Variants in ST6GAL2 observed in about 807,000 individuals in gnomAD.
The protein encoded by ST6GAL2 is ST6 beta-galactoside alpha-2,6-sialyltransferase 2, also known as beta-galactoside alpha-2,6-sialyltransferase 2.
A neutral mutation model predicts 37.5 loss-of-function variants in ST6GAL2; 24 were observed. That is an observed-to-expected ratio of 0.64 (90% CI 0.46 to 0.90). The LOEUF is 0.90. Ranked by LOEUF, ST6GAL2 falls within the 40% of genes least tolerant of loss-of-function variation. ST6GAL2 has a pLI of 0.00. For missense variants in ST6GAL2, 715 were observed against 712.7 expected (o/e 1.00, Z -0.04); for synonymous variants, 306 against 295.1 (o/e 1.04, Z -0.38).
At chr2:106,819,790 CA>C (rs1254575898) in intron 5 of ST6GAL2, among the ~76,000 whole-genome samples, 1 of 151,578 alleles carries the variant, frequency 6.6e-6, no homozygotes. Context: ...AACAACTTTT[CA>C]AGATACAGAC....
chr2:106,848,450 G>C (rs1200945631), intron 1 of ST6GAL2, among the ~76,000 whole-genome samples: 1 of 152,180 alleles, frequency 6.6e-6, no homozygotes. Flanking sequence ...GCAGGTTTCT[G>C]ATTTCAGCAT....
intron 5 of ST6GAL2, among the ~76,000 whole-genome samples, chr2:106,821,925 G>A (rs1210908365): frequency 6.6e-6 from 1 of 152,042 alleles, no homozygotes; most frequent in African/African-American, 2.4e-5. Flanking sequence ...CATTTCAACC[G>A]ATGCTGAAAA....
chr2:106,813,027 T>C, intron 5 of ST6GAL2: 2 of 1,227,986 alleles, frequency 1.6e-6, no homozygotes, highest in Non-Finnish European at 2.0e-6. Context: ...CACGTTTTAA[T>C]GTATTTTTTC....
Position 106,858,202 on chromosome 2 carries a change from G to A in ST6GAL2, c.-57-14168C>T, listed in dbSNP as rs941694060. Among the ~76,000 whole-genome samples the A allele has an allele frequency of 2.6e-5, 4 of 152,136 alleles. No individual in the cohort carries two copies. In the East Asian group the frequency reaches 7.7e-4, roughly 29 times the overall value. ...TTACTTTTTTATTCACTTTACTCAT[G>A]TTTTTTACTCACTTTACTCATTTTG... On this transcript the variant is annotated intron_variant, in intron 1 of 5. Coordinates refer to ENST00000409382, the MANE Select transcript of ST6GAL2 (RefSeq NM_001142351.2).
chr2:106,843,247 G>A lies in ST6GAL2; in HGVS notation c.731C>T (p.Ala244Val). The change falls in exon 2 of 6, where the codon GCC (alanine) becomes GTC (valine). Residue 244 changes from alanine to valine, a missense_variant. Ala to Val is a moderately conservative substitution (Grantham distance 64). Coordinates refer to ENST00000409382, the MANE Select transcript of ST6GAL2 (RefSeq NM_001142351.2). Reference sequence around the variant, plus strand: ...CAGCAGCTGTGCCCTGCTCAGCCCGGCCTCCCGCTTCCCGCGGAAGCGCAC... The same window carrying A: ...CAGCAGCTGTGCCCTGCTCAGCCCGACCTCCCGCTTCCCGCGGAAGCGCAC... ...HGVRFRGKRE[A>V]GLSRAQLLCQ... 1.3e-6 allele frequency: 2 copies of A among 1,589,922 alleles called. No individual in the cohort carries two copies. The highest frequency in any genetic ancestry group is 1.7e-6 in the Non-Finnish European group (2 of 1,167,840).
At chr2:106,834,318 T>C in intron 2 of ST6GAL2, 172 bp from the exon 3 acceptor site, 2 of 582,990 alleles carry the variant, frequency 3.4e-6, no homozygotes, top group East Asian at 5.9e-5. Context: ...GAATGAGATC[T>C]TGGCTGGAGG....
Position 106,830,085 on chromosome 2 carries a change from T to C in ST6GAL2, c.1299A>G (p.Pro433=), listed in dbSNP as rs749214020. 3 of 1,613,738 alleles carry C rather than the reference T, an allele frequency of 1.9e-6. No individual in the cohort carries two copies. The highest frequency in any genetic ancestry group is 2.5e-6 in the Non-Finnish European group (3 of 1,179,890). The stretch of plus-strand genomic sequence containing the variant: ...ACCTACCAATGAAACCAGAAGATGG[T>C]GGGTTTGGTTGAATCTTCTCTTTAG... The part of the protein sequence containing the change: ...ENTKEKIQPN[P]PSSGFIGILI... The change falls in exon 5 of 6, where the codon CCA becomes CCG. Residue 433 remains proline (P), a synonymous_variant. Transcript: ENST00000409382.
chr2:106,813,167 C>A, intron 5 of ST6GAL2: 1 of 1,301,836 alleles, frequency 7.7e-7, no homozygotes, highest in Non-Finnish European at 9.8e-7. Flanking sequence ...GGCTGGAGTG[C>A]AGTCGCGTGA....
At chr2:106,815,013 C>A (rs1430410748) in intron 5 of ST6GAL2, among the ~76,000 whole-genome samples, 1 of 152,154 alleles carries the variant, frequency 6.6e-6, no homozygotes, top group Non-Finnish European at 1.5e-5. Flanking sequence ...CTAAATTACC[C>A]TGATTCATGT....
chr2:106,869,738 G>A (rs1029904353), intron 1 of ST6GAL2, among the ~76,000 whole-genome samples: 3 of 152,164 alleles, frequency 2.0e-5, no homozygotes, highest in African/African-American at 7.2e-5. Flanking sequence ...ACAGTGGGGG[G>A]CATCCAAGTC....
At chr2:106,864,723 G>C (rs1677950937) in intron 1 of ST6GAL2, among the ~76,000 whole-genome samples, 2 of 152,166 alleles carry the variant, frequency 1.3e-5, no homozygotes, top group Admixed American at 1.3e-4. Context: ...GGGCTCCACA[G>C]GAAAGGCAAT....
At chr2:106,851,122 A>G (rs1677342051) in intron 1 of ST6GAL2, among the ~76,000 whole-genome samples, 1 of 152,206 alleles carries the variant, frequency 6.6e-6, no homozygotes, top group Non-Finnish European at 1.5e-5. Flanking sequence ...TAACATTATT[A>G]CCTGGCAATG....
chr2:106,853,262 G>A (rs6708233), intron 1 of ST6GAL2, among the ~76,000 whole-genome samples: 54,110 of 152,074 alleles, frequency 0.36, 10,391 homozygotes, highest in Non-Finnish European at 0.44. Context: ...CCCATGCCCC[G>A]CCTTCGTCAG....
At chr2:106,826,270 T>C (rs980866288) in intron 5 of ST6GAL2, among the ~76,000 whole-genome samples, 1 of 152,186 alleles carries the variant, frequency 6.6e-6, no homozygotes, top group African/African-American at 2.4e-5. Flanking sequence ...GGAAGCACAG[T>C]GCTGGCATCT....
rs975414259 is a variant in ST6GAL2, at chr2:106,852,037, G to A, written c.-57-8003C>T. Among the ~76,000 whole-genome samples, 5 of 152,094 alleles carry A rather than the reference G, an allele frequency of 3.3e-5. No individual in the cohort carries two copies. The East Asian group carries it at 5.8e-4, about 18-fold the overall frequency. ...ACCCTTATTGGCACTTTTTACAAAT[G>A]GGCCCTTCTCTTTTCTTTGCTTTTG... On this transcript the variant is annotated intron_variant, in intron 1 of 5. Transcript: ENST00000409382.
At position 106,801,946 on chromosome 2, in the gene ST6GAL2, A is replaced by C. The variant is rs1162589849; in HGVS notation, c.*4732T>G. The C allele has an allele frequency of 1.3e-5, 2 of 152,130 alleles. No individual in the cohort carries two copies. Among genetic ancestry groups the C allele is most frequent in the East Asian group, 3.9e-4 (2 of 5,194 alleles). 9.4% of individuals were successfully genotyped at this position (152,130 alleles called of 1,614,324 possible). A position where few individuals can be genotyped will look rare whatever the true frequency, so the allele number is the denominator to read the frequency against. ...CTTTGTTTCCAATCTACCTAGCAAG[A>C]AGACTATTTTCCATAGAACCAGTAA... On this transcript the variant is annotated 3_prime_UTR_variant, in exon 6 of 6. Coordinates refer to ENST00000409382, the MANE Select transcript of ST6GAL2 (RefSeq NM_001142351.2).
At chr2:106,863,299 C>T (rs1045066331) in intron 1 of ST6GAL2, among the ~76,000 whole-genome samples, 6 of 152,142 alleles carry the variant, frequency 3.9e-5, no homozygotes, top group Admixed American at 2.6e-4. Context: ...ATTCCACTCA[C>T]GATATGCTCC....
intron 1 of ST6GAL2, among the ~76,000 whole-genome samples, chr2:106,860,142 C>T (rs1353283584): frequency 6.6e-6 from 1 of 152,180 alleles, no homozygotes; most frequent in African/African-American, 2.4e-5. Context: ...TTCCCTCCAG[C>T]ATGTTTGCAT....
At chr2:106,809,702 A>C (rs969211597) in intron 5 of ST6GAL2, among the ~76,000 whole-genome samples, 53 of 152,334 alleles carry the variant, frequency 3.5e-4, no homozygotes, top group African/African-American at 1.3e-3. Context: ...CTGAACTTTT[A>C]ACAAGCGTTC....
Sources: gnomAD v4.1 joint callset for allele counts (sites outside exome capture counted in the v4.1 genomes callset) on GRCh38, gnomAD v4.1.1 for gene constraint, MANE v1.5 for transcripts, NCBI Gene and HGNC (gene_info 2026-07-23, HGNC 2026-07-21) for gene names.